Variants in CYTH1 observed in about 807,000 individuals in gnomAD.
The protein encoded by CYTH1 is cytohesin-1.
In CYTH1, 18 loss-of-function variants were observed where a neutral mutation model predicts 61.8. The ratio of observed to expected loss-of-function variants is 0.29; its 90% CI spans 0.20 to 0.43. The LOEUF (loss-of-function observed/expected upper bound fraction) is 0.43. Among genes scored for constraint, CYTH1 ranks in the 20% least tolerant of loss-of-function variants. The probability of loss-of-function intolerance (pLI) is 1.00; values close to 1 mark genes in which losing one functional copy is unlikely to be tolerated. For synonymous variants in CYTH1, 174 were observed against 184.3 expected (o/e 0.94, Z 0.45); for missense variants, 336 against 510.5 (o/e 0.66, Z 3.29).
intron 2 of CYTH1, chr17:78,709,389 AG>A: frequency 2.2e-6 from 1 of 456,714 alleles, no homozygotes; most frequent in East Asian, 3.7e-5. Context: ...CTCAGGAGAC[AG>A]GAGTCTTGCA....
chr17:78,724,796 T>C (rs1006322509), intron 1 of CYTH1, among the ~76,000 whole-genome samples: 11 of 152,094 alleles, frequency 7.2e-5, no homozygotes, highest in African/African-American at 2.7e-4. Context: ...GCCATGGGGG[T>C]TGGGCTGGCT....
chr17:78,702,811 C>T (rs2093026414), intron 3 of CYTH1, among the ~76,000 whole-genome samples: 1 of 152,176 alleles, frequency 6.6e-6, no homozygotes, highest in South Asian at 2.1e-4. Flanking sequence ...TCCTTCTACC[C>T]TGGAACAGAG....
rs2092683331 is a variant in CYTH1 at position 78,675,059 on chromosome 17, T to A, written c.*1032A>T. ...AGAAAAAGCTGAAGCCCTACGGGGA[T>A]CGGGGAAGTCCTACTCCTTCCTCTA... On this transcript the variant is annotated 3_prime_UTR_variant, in exon 14 of 14. Transcript: ENST00000446868. 1 of 152,206 alleles carries A rather than the reference T, an allele frequency of 6.6e-6. No homozygotes were observed. Among genetic ancestry groups the A allele is most frequent in the African/African-American group, 2.4e-5 (1 of 41,424 alleles). The allele number at this position is 152,206 out of a possible 1,614,324, so 9.4% of individuals were successfully genotyped here.
chr17:78,677,117 T>C (rs1466441411), intron 13 of CYTH1: 2 of 455,438 alleles, frequency 4.4e-6, no homozygotes, highest in Non-Finnish European at 8.8e-6. Context: ...TGCTAGGAAC[T>C]GAAGAGCACT....
At chr17:78,771,172 T>G (rs1598927486) in intron 1 of CYTH1, among the ~76,000 whole-genome samples, 1 of 151,228 alleles carries the variant, frequency 6.6e-6, no homozygotes, top group Non-Finnish European at 1.5e-5. Context: ...CTGAGGCAGG[T>G]AAACTGCCTG....
chr17:78,772,093 T>A (rs900916313), intron 1 of CYTH1, among the ~76,000 whole-genome samples: 1 of 152,136 alleles, frequency 6.6e-6, no homozygotes, highest in African/African-American at 2.4e-5. Flanking sequence ...CAACAATAAT[T>A]AGAGACAATC....
chr17:78,676,529 C>T, intron 13 of CYTH1: 1 of 289,006 alleles, frequency 3.5e-6, no homozygotes, highest in Non-Finnish European at 6.6e-6. Flanking sequence ...CTTTGCTTTG[C>T]AGCAGCGAGT....
chr17:78,687,070 C>T (rs113843326), intron 11 of CYTH1, among the ~76,000 whole-genome samples: 2,324 of 152,194 alleles, frequency 0.015, 58 homozygotes, highest in African/African-American at 0.053. Flanking sequence ...AGTGAGCCAC[C>T]GCGCCCAGCC....
chr17:78,676,388 A>G, intron 13 of CYTH1: 1 of 561,272 alleles, frequency 1.8e-6, no homozygotes, highest in Non-Finnish European at 3.1e-6. Context: ...TGACAAGAAA[A>G]TTTTGGGGTT....
intron 1 of CYTH1, among the ~76,000 whole-genome samples, chr17:78,711,043 A>C (rs1023119460): frequency 3.9e-5 from 6 of 152,026 alleles, no homozygotes; most frequent in Admixed American, 6.6e-5. Flanking sequence ...CGGGCAGATC[A>C]CGAGGTCAGG....
chr17:78,748,978 C>T (rs1483366019), intron 1 of CYTH1, among the ~76,000 whole-genome samples: 1 of 152,160 alleles, frequency 6.6e-6, no homozygotes, highest in African/African-American at 2.4e-5. Flanking sequence ...AAGACGGAAC[C>T]ATCACATGAC....
intron 1 of CYTH1, among the ~76,000 whole-genome samples, chr17:78,747,832 T>C (rs1334757284): frequency 1.3e-5 from 2 of 152,206 alleles, no homozygotes; most frequent in Non-Finnish European, 2.9e-5. Context: ...GGGGTTCTTA[T>C]GAAAACTGCT....
intron 1 of CYTH1, among the ~76,000 whole-genome samples, chr17:78,771,261 GA>G (rs2093470332): frequency 6.6e-6 from 1 of 151,756 alleles, no homozygotes; most frequent in Admixed American, 6.6e-5. Context: ...GACCCTGTCT[GA>G]AAAATAAAAT....
At chr17:78,697,600 G>A (rs2092953514) in intron 9 of CYTH1, among the ~76,000 whole-genome samples, 2 of 150,854 alleles carry the variant, frequency 1.3e-5, no homozygotes, top group Admixed American at 6.6e-5. Context: ...TTGAAAAGGA[G>A]GGGAAAAAAA....
At chr17:78,731,755 CAA>C (rs376349109) in intron 1 of CYTH1, among the ~76,000 whole-genome samples, 5 of 73,672 alleles carry the variant, frequency 6.8e-5, no homozygotes, top group African/African-American at 1.2e-4. Context: ...GACTCCGTCT[CAA>C]AAAAAAAAAA....
At chr17:78,707,486 G>A (rs970523332) in intron 3 of CYTH1, among the ~76,000 whole-genome samples, 10 of 152,118 alleles carry the variant, frequency 6.6e-5, no homozygotes, top group African/African-American at 2.2e-4. Flanking sequence ...ATAAGCTCAC[G>A]ATTATCCTCA....
intron 1 of CYTH1, among the ~76,000 whole-genome samples, chr17:78,742,665 C>T (rs1263814544): frequency 6.7e-6 from 1 of 150,348 alleles, no homozygotes; most frequent in African/African-American, 2.5e-5. Flanking sequence ...CCAGCCTAGC[C>T]GACATGGTGA....
chr17:78,683,616 A>C (rs2092786196), intron 11 of CYTH1, among the ~76,000 whole-genome samples: 1 of 151,972 alleles, frequency 6.6e-6, no homozygotes, highest in Non-Finnish European at 1.5e-5. Flanking sequence ...GGCTGCATTT[A>C]CCCCACACTC....
At chr17:78,759,406 A>G (rs1175172400) in intron 1 of CYTH1, among the ~76,000 whole-genome samples, 2 of 152,182 alleles carry the variant, frequency 1.3e-5, no homozygotes, top group Non-Finnish European at 2.9e-5. Context: ...TCACTGTTGT[A>G]CAGATCAGGG....
Sources: gnomAD v4.1 joint callset for allele counts (sites outside exome capture counted in the v4.1 genomes callset) on GRCh38, gnomAD v4.1.1 for gene constraint, MANE v1.5 for transcripts, NCBI Gene and HGNC (gene_info 2026-07-23, HGNC 2026-07-21) for gene names.